Variants in OVCH2 observed in about 807,000 individuals in gnomAD.
The protein encoded by OVCH2 is ovochymase 2, also known as ovochymase-2.
Under a neutral mutation model 73.7 loss-of-function variants are expected in OVCH2, and 88 were observed. The observed-to-expected ratio is 1.19, with a 90% CI of 1.01 to 1.43. OVCH2 has a LOEUF of 1.43. OVCH2 is among the 40% of genes most tolerant of loss of function. The pLI is 0.00. For synonymous variants in OVCH2, 265 were observed against 234.5 expected, an observed-to-expected ratio of 1.13 and a Z score of -1.19; for missense variants, 706 against 674.5, an observed-to-expected ratio of 1.05 and a Z score of -0.52.
Position 7,701,793 on chromosome 11 carries a change from A to G in OVCH2, c.482T>C (p.Ile161Thr). 2 of 1,611,706 alleles carry G rather than the reference A, an allele frequency of 1.2e-6. No homozygotes were observed. Among genetic ancestry groups the G allele is most frequent in the Non-Finnish European group, 1.7e-6 (2 of 1,179,102 alleles). ...AFQFGHFVGP[I>T]CLPELREQFE... Reference sequence around the variant, plus strand: ...TTGCTCCCGCAGCTCTGGAAGACATATGGGCCCCACAAAGTGGCCTGAAGA... The same window carrying G: ...TTGCTCCCGCAGCTCTGGAAGACATGTGGGCCCCACAAAGTGGCCTGAAGA... Residue 161 changes from isoleucine to threonine, a missense_variant, in exon 5 of 16, where the codon ATA becomes ACA. Physicochemically the swap from Ile to Thr is moderately conservative, Grantham distance 89. Coordinates refer to ENST00000533663, the MANE Select transcript of OVCH2 (RefSeq NM_198185.7).
At chr11:7,681,884 G>A in the OVCH2 span, among the ~76,000 whole-genome samples, 56 of 151,594 alleles carry the variant, frequency 3.7e-4, no homozygotes, top group South Asian at 0.011. Context: ...AAAAATGAAG[G>A]GACGCATTCC....
chr11:7,680,715 T>C, the OVCH2 span, among the ~76,000 whole-genome samples: 1 of 152,236 alleles, frequency 6.6e-6, no homozygotes, highest in Non-Finnish European at 1.5e-5. Context: ...CCTGTGAAAC[T>C]ATTTCATACT....
downstream of OVCH2, among the ~76,000 whole-genome samples, chr11:7,686,177 A>G (rs1358182005): frequency 6.6e-6 from 1 of 152,236 alleles, no homozygotes; most frequent in Admixed American, 6.5e-5. Context: ...TTGCTGAGGT[A>G]TGAAGTCCTG....
downstream of OVCH2, among the ~76,000 whole-genome samples, chr11:7,685,581 G>A (rs899986686): frequency 6.7e-6 from 1 of 149,966 alleles, no homozygotes; most frequent in African/African-American, 2.5e-5. Flanking sequence ...CTCTCTCCAG[G>A]CAGCTTTCTC....
intron 1 of OVCH2, among the ~76,000 whole-genome samples, chr11:7,704,917 G>A (rs533272096): frequency 1.3e-5 from 2 of 152,090 alleles, no homozygotes; most frequent in Non-Finnish European, 2.9e-5. Flanking sequence ...AGGTTTGCTA[G>A]GTAATAGAAG....
At chr11:7,701,877 C>A in intron 4 of OVCH2, 66 bp from the exon 5 acceptor site, 1 of 1,371,456 alleles carries the variant, frequency 7.3e-7, no homozygotes. Context: ...AGCCACTCAC[C>A]ACTTGGTATC....
chr11:7,686,478 T>G (rs1459029093), downstream of OVCH2, among the ~76,000 whole-genome samples: 4 of 152,262 alleles, frequency 2.6e-5, no homozygotes, highest in African/African-American at 9.6e-5. Flanking sequence ...TCTCTCATGA[T>G]GAACAAGCAA....
chr11:7,696,452 A>C lies in OVCH2; in HGVS notation c.1141+13T>G, dbSNP rs765294301. On this transcript the variant is annotated intron_variant, in intron 10 of 15. Coordinates refer to ENST00000533663, the MANE Select transcript of OVCH2 (RefSeq NM_198185.7). ...GCACTGGTTTCCATTTGACACTGTG[A>C]AAATCCACTCACCAATGGGTCTGTC... 48 of 1,613,826 alleles carry C rather than the reference A, an allele frequency of 3.0e-5. No individual in the cohort carries two copies. The highest frequency in any genetic ancestry group is 2.5e-5 in the Non-Finnish European group (30 of 1,179,864).
At chr11:7,679,962 G>A in the OVCH2 span, among the ~76,000 whole-genome samples, 6 of 152,200 alleles carry the variant, frequency 3.9e-5, no homozygotes, top group Admixed American at 6.5e-5. Flanking sequence ...TGGGAGCTCC[G>A]TGACCCTTCC....
At chr11:7,696,252 T>C (rs569272394) in intron 10 of OVCH2, among the ~76,000 whole-genome samples, 23 of 152,290 alleles carry the variant, frequency 1.5e-4, no homozygotes, top group African/African-American at 5.5e-4. Flanking sequence ...CCTGGTTTGA[T>C]GGGAAGCAGA....
chr11:7,696,344 T>G (rs1414881196), intron 10 of OVCH2, 121 bp downstream of exon 10: 14 of 1,385,216 alleles, frequency 1.0e-5, no homozygotes, highest in Non-Finnish European at 1.4e-5. Context: ...ATTCTGAGTC[T>G]CAAAGCGGAA....
chr11:7,700,156 C>T, intron 7 of OVCH2, 140 bp downstream of exon 7: 1 of 786,888 alleles, frequency 1.3e-6, no homozygotes, highest in East Asian at 2.7e-5. Flanking sequence ...CTTGGTAAAC[C>T]TCACAATCCT....
At chr11:7,706,242 G>A (rs1856527621) in intron 1 of OVCH2, 65 bp downstream of exon 1, 1 of 1,432,210 alleles carries the variant, frequency 7.0e-7, no homozygotes, top group East Asian at 2.4e-5. Context: ...GAGTCTCGGA[G>A]TTGTGACGTC....
chr11:7,699,768 G>C (rs557763028), intron 7 of OVCH2: 13 of 152,426 alleles, frequency 8.5e-5, no homozygotes, highest in African/African-American at 3.1e-4. Flanking sequence ...GTTGTGGGAG[G>C]CTGTCCTGTA....
Position 7,696,447 on chromosome 11 carries a change from CTG to C in OVCH2, c.1141+16_1141+17del. 3 of 1,613,828 alleles carry C rather than the reference CTG, an allele frequency of 1.9e-6. No individual in the cohort carries two copies. The highest frequency in any genetic ancestry group is 1.1e-5 in the South Asian group (1 of 91,032). ...ACTTGGCACTGGTTTCCATTTGACA[CTG>C]TGAAAATCCACTCACCAATGGGTCT... On this transcript the variant is annotated intron_variant, in intron 10 of 15. Coordinates refer to ENST00000533663, the MANE Select transcript of OVCH2 (RefSeq NM_198185.7).
the OVCH2 span, among the ~76,000 whole-genome samples, chr11:7,684,008 T>TAC: frequency 6.7e-6 from 1 of 148,958 alleles, no homozygotes; most frequent in African/African-American, 2.4e-5. Context: ...TTTATATATA[T>TAC]ATATGTATAT....
rs748665652 is a variant in OVCH2, at chr11:7,703,777, G to C, written c.211C>G (p.Gln71Glu). 3 of 1,607,034 alleles carry C rather than the reference G, an allele frequency of 1.9e-6. No homozygotes were observed. The highest frequency in any genetic ancestry group is 2.2e-5 in the South Asian group (2 of 89,426). Residue 71 changes from glutamine to glutamate, a missense_variant, in exon 3 of 16, where the codon CAA becomes GAA. Transcript: ENST00000533663. ...GSYPWQVSLKQRQKHICGGSI... is the reference protein window; with the variant it reads ...GSYPWQVSLKERQKHICGGSI... ...CCTCCACAAATATGCTTCTGCCTTT[G>C]TTTCAGAGATACCTAAATTGCAAAT...
In OVCH2 at chr11:7,696,766, C is replaced by A. The variant is rs368914264; in HGVS notation, c.959G>T (p.Gly320Val). The part of the protein sequence containing the change: ...WCSEQDVIVS[G>V]AEGKLHFPES... ...TGGGAAGTGCAGCTTCCCCTCAGCC[C>A]CGCTGACTATGACATCCTGCTCACT... The change falls in exon 9 of 16, where the codon GGG becomes GTG. Residue 320 changes from glycine (G) to valine (V), a missense_variant. By Grantham distance (109) the Gly-to-Val change is moderately radical. Transcript: ENST00000533663. 1 of 1,611,514 alleles carries A rather than the reference C, an allele frequency of 6.2e-7. No individual in the cohort carries two copies. The highest frequency in any genetic ancestry group is 2.2e-5 in the East Asian group (1 of 44,782).
intron 12 of OVCH2, among the ~76,000 whole-genome samples, chr11:7,693,887 G>T (rs1856269055): frequency 6.6e-6 from 1 of 152,094 alleles, no homozygotes; most frequent in Non-Finnish European, 1.5e-5. Context: ...TGTGGGGTGG[G>T]GACTGGACAC....
Sources: allele counts gnomAD v4.1 joint callset (sites outside exome capture counted in the v4.1 genomes callset), GRCh38; gene constraint gnomAD v4.1.1; transcripts MANE v1.5; gene names NCBI Gene and HGNC (gene_info 2026-07-23, HGNC 2026-07-21).